The following WDR49 variants were observed in gnomAD, a reference collection of about 807,000 sequenced individuals.
WDR49 encodes cilia- and flagella-associated protein 337.
WDR49 carries 107 observed loss-of-function variants against 119.5 expected under a neutral mutation model. That is an observed-to-expected ratio of 0.90 (90% CI 0.77 to 1.05). WDR49 has a LOEUF of 1.05. Ranked by LOEUF, WDR49 falls within the 50% of genes least tolerant of loss-of-function variation. WDR49 has a pLI of 0.00. For synonymous variants in WDR49, 425 were observed against 418.8 expected (o/e 1.01, Z -0.18); for missense variants, 1,240 against 1,220.5 (o/e 1.02, Z -0.24).
intron 8 of WDR49, among the ~76,000 whole-genome samples, chr3:167,571,856 A>G (rs545081948): frequency 6.6e-6 from 1 of 152,334 alleles, no homozygotes; most frequent in African/African-American, 2.4e-5. Flanking sequence ...CATTTACTCT[A>G]TTAAAATTTG....
chr3:167,588,457 G>T (rs1368605361), intron 7 of WDR49, among the ~76,000 whole-genome samples: 1 of 152,040 alleles, frequency 6.6e-6, no homozygotes, highest in Non-Finnish European at 1.5e-5. Context: ...CTTTTCTTTG[G>T]GGTATATACC....
chr3:167,596,728 G>A (rs1179806124), intron 7 of WDR49, among the ~76,000 whole-genome samples: 9 of 109,244 alleles, frequency 8.2e-5, no homozygotes, highest in African/African-American at 3.1e-4. Context: ...TGTGGGGTGG[G>A]GGGAGGGGGG....
chr3:167,556,342 G>A (rs1477062740), intron 9 of WDR49, among the ~76,000 whole-genome samples: 1 of 152,118 alleles, frequency 6.6e-6, no homozygotes, highest in Non-Finnish European at 1.5e-5. Flanking sequence ...TACAGAACCT[G>A]AAACAGTCAT....
chr3:167,544,473 G>A (rs1027804855), intron 10 of WDR49, among the ~76,000 whole-genome samples: 5 of 151,680 alleles, frequency 3.3e-5, no homozygotes, highest in East Asian at 3.9e-4. Context: ...GACATAGACC[G>A]GTGGGACATA....
At chr3:167,649,376 G>T (rs1440527103) in intron 2 of WDR49, among the ~76,000 whole-genome samples, 1 of 152,114 alleles carries the variant, frequency 6.6e-6, no homozygotes, top group Non-Finnish European at 1.5e-5. Flanking sequence ...AGCTTGCCTG[G>T]CAGGACATCA....
At chr3:167,588,198 C>G (rs1277142329) in intron 7 of WDR49, among the ~76,000 whole-genome samples, 2 of 152,060 alleles carry the variant, frequency 1.3e-5, no homozygotes, top group African/African-American at 4.8e-5. Context: ...GTGAGAACAC[C>G]TAAAGTTTGT....
At chr3:167,619,783 C>G (rs1190946056) in intron 5 of WDR49, among the ~76,000 whole-genome samples, 1 of 152,010 alleles carries the variant, frequency 6.6e-6, no homozygotes, top group Non-Finnish European at 1.5e-5. Context: ...AATATTAGTG[C>G]AGATATTGCA....
chr3:167,554,552 A>C lies in WDR49; in HGVS notation c.1823+98T>G, dbSNP rs558202213. ...ATTCCAACTAGGGTATCACTCACCT[A>C]GGTCACCAGCAAGTTTTAATGACAC... On this transcript the variant is annotated intron_variant, in intron 10 of 18. Coordinates refer to ENST00000682715, the MANE Select transcript of WDR49 (RefSeq NM_001366157.1). 9 of 664,576 alleles carry C rather than the reference A, an allele frequency of 1.4e-5. No individual in the cohort carries two copies. The East Asian group carries it at 2.6e-4, about 19-fold the overall frequency. The allele number at this position is 664,576 out of a possible 1,614,324, so 41.2% of individuals were successfully genotyped here.
intron 14 of WDR49, 56 bp from the exon 15 acceptor site, chr3:167,528,073 T>C (rs1468503099): frequency 2.7e-6 from 4 of 1,481,908 alleles, no homozygotes; most frequent in East Asian, 2.3e-5. Context: ...ATGATTACAA[T>C]GACATAACAC....
At chr3:167,612,660 A>C (rs1225628756) in intron 5 of WDR49, among the ~76,000 whole-genome samples, 1 of 152,180 alleles carries the variant, frequency 6.6e-6, no homozygotes. Context: ...GAAATTCAGA[A>C]GATTGTTAAT....
intron 17 of WDR49, among the ~76,000 whole-genome samples, chr3:167,503,585 G>A (rs141558694): frequency 0.078 from 11,801 of 152,250 alleles, 834 homozygotes; most frequent in African/African-American, 0.19. Flanking sequence ...GCACTTAGCC[G>A]TGCAGGAACA....
At chr3:167,524,882 A>G (rs1752578871) in intron 15 of WDR49, among the ~76,000 whole-genome samples, 1 of 152,058 alleles carries the variant, frequency 6.6e-6, no homozygotes, top group Admixed American at 6.6e-5. Context: ...TTGTATTGGC[A>G]ACATGGGCTC....
chr3:167,481,402 G>A (rs1750714355), intron 18 of WDR49, among the ~76,000 whole-genome samples: 1 of 151,920 alleles, frequency 6.6e-6, no homozygotes, highest in Non-Finnish European at 1.5e-5. Flanking sequence ...CTCAGAAAAA[G>A]AGGGAAAAAA....
chr3:167,592,627 G>T (rs993021989), intron 7 of WDR49, among the ~76,000 whole-genome samples: 8 of 151,846 alleles, frequency 5.3e-5, no homozygotes, highest in African/African-American at 1.9e-4. Flanking sequence ...TAGAGATGGG[G>T]TTTCACCATG....
At chr3:167,543,407 C>T (rs992575647) in intron 10 of WDR49, among the ~76,000 whole-genome samples, 1 of 152,060 alleles carries the variant, frequency 6.6e-6, no homozygotes, top group South Asian at 2.1e-4. Context: ...TACTAGCCAA[C>T]TAAATCCAAC....
chr3:167,616,009 A>G (rs1716579120), intron 5 of WDR49, among the ~76,000 whole-genome samples: 1 of 152,224 alleles, frequency 6.6e-6, no homozygotes, highest in Admixed American at 6.5e-5. Flanking sequence ...TGAAGTGATT[A>G]TTTAAAAATC....
chr3:167,501,705 T>A (rs1224857486), intron 17 of WDR49, among the ~76,000 whole-genome samples: 1 of 152,232 alleles, frequency 6.6e-6, no homozygotes, highest in Non-Finnish European at 1.5e-5. Context: ...TATCTGTTTC[T>A]AAGCAATATA....
At chr3:167,528,367 G>C (rs190135453) in intron 14 of WDR49, among the ~76,000 whole-genome samples, 1 of 151,796 alleles carries the variant, frequency 6.6e-6, no homozygotes, top group Admixed American at 6.6e-5. Context: ...CAGGTAATCA[G>C]TGATAAAAAA....
At chr3:167,596,554 G>C (rs1715456253) in intron 7 of WDR49, among the ~76,000 whole-genome samples, 1 of 150,350 alleles carries the variant, frequency 6.7e-6, no homozygotes, top group Non-Finnish European at 1.5e-5. Context: ...AAAATGATGA[G>C]TTCATGTCCT....
Sources: allele counts gnomAD v4.1 joint callset (sites outside exome capture counted in the v4.1 genomes callset), GRCh38; gene constraint gnomAD v4.1.1; transcripts MANE v1.5; gene names NCBI Gene and HGNC (gene_info 2026-07-23, HGNC 2026-07-21).